Variants in CEP128 observed in about 807,000 individuals in gnomAD.
CEP128 encodes centrosomal protein 128kDa.
CEP128 carries 132 observed loss-of-function variants against 156.7 expected under a neutral mutation model. That is an observed-to-expected ratio of 0.84 (90% CI 0.73 to 0.97). CEP128 has a LOEUF of 0.97. CEP128 is among the 50% of genes least tolerant of loss of function. The pLI, the probability that CEP128 is intolerant of heterozygous loss-of-function variation, is 0.00. For synonymous variants in CEP128, 469 were observed against 448.9 expected, an observed-to-expected ratio of 1.04 and a Z score of -0.57; for missense variants, 1,252 against 1,281.9, an observed-to-expected ratio of 0.98 and a Z score of 0.36.
At chr14:80,531,481 G>C (rs1030631956) in intron 21 of CEP128, among the ~76,000 whole-genome samples, 11 of 152,146 alleles carry the variant, frequency 7.2e-5, no homozygotes, top group Admixed American at 6.5e-4. Context: ...GCTGATCACT[G>C]TTACACCCAC....
chr14:80,947,692 C>G (rs1043010735), intron 2 of CEP128, among the ~76,000 whole-genome samples: 1 of 152,032 alleles, frequency 6.6e-6, no homozygotes, highest in Non-Finnish European at 1.5e-5. Context: ...AGATTCCCCC[C>G]AAAAGAAAAG....
At chr14:80,613,469 A>ATT (rs368473582) in intron 19 of CEP128, among the ~76,000 whole-genome samples, 13,418 of 139,672 alleles carry the variant, frequency 0.096, 855 homozygotes, top group African/African-American at 0.18. Flanking sequence ...TGGCTGGCTA[A>ATT]TTTTTTTTTT....
chr14:80,501,276 G>C (rs1014635652), intron 24 of CEP128, among the ~76,000 whole-genome samples: 1 of 152,146 alleles, frequency 6.6e-6, no homozygotes, highest in Non-Finnish European at 1.5e-5. Flanking sequence ...GAGTAGAAAG[G>C]ATGTGGTAGG....
chr14:80,897,103 A>G (rs1889380807), intron 7 of CEP128, among the ~76,000 whole-genome samples: 2 of 152,240 alleles, frequency 1.3e-5, no homozygotes, highest in African/African-American at 4.8e-5. Flanking sequence ...ATGTTAAAAT[A>G]CATTGCTGTA....
chr14:80,953,521 G>T (rs1886512883), intron 2 of CEP128, among the ~76,000 whole-genome samples: 1 of 152,224 alleles, frequency 6.6e-6, no homozygotes, highest in African/African-American at 2.4e-5. Context: ...GGAGGCGGAG[G>T]TTGCAGTGAG....
intron 18 of CEP128, among the ~76,000 whole-genome samples, chr14:80,755,312 T>C (rs1170151716): frequency 6.6e-6 from 1 of 152,188 alleles, no homozygotes; most frequent in Non-Finnish European, 1.5e-5. Context: ...TAAATACTTA[T>C]AAACTCCCCT....
intron 12 of CEP128, among the ~76,000 whole-genome samples, chr14:80,834,809 A>C (rs1458824593): frequency 2.0e-5 from 3 of 152,234 alleles, no homozygotes; most frequent in East Asian, 1.9e-4. Flanking sequence ...ATTCTGGGTC[A>C]AATGATACTT....
At chr14:80,612,428 A>T (rs61981706) in intron 19 of CEP128, among the ~76,000 whole-genome samples, 17,579 of 152,240 alleles carry the variant, frequency 0.12, 1,342 homozygotes, top group East Asian at 0.31. Context: ...CAACATTCTT[A>T]TATAGAGTCC....
At chr14:80,678,045 A>ATTATATATATAT (rs1555390192) in intron 19 of CEP128, among the ~76,000 whole-genome samples, 1 of 30,690 alleles carries the variant, frequency 3.3e-5, no homozygotes, top group Admixed American at 4.4e-4. Context: ...CTCTATAAAA[A>ATTATATATATAT]AAAAATATAT....
At chr14:80,490,938 A>G (rs899678091) in intron 6 of CEP128, among the ~76,000 whole-genome samples, 1 of 152,152 alleles carries the variant, frequency 6.6e-6, no homozygotes, top group African/African-American at 2.4e-5. Context: ...CGCCATCACC[A>G]AAGTTTCTGA....
chr14:80,729,754 G>A (rs747259898), intron 19 of CEP128, among the ~76,000 whole-genome samples: 16 of 152,058 alleles, frequency 1.1e-4, no homozygotes, highest in Non-Finnish European at 2.2e-4. Flanking sequence ...ACCAAATTTT[G>A]CATGAAGAAT....
intron 8 of CEP128, among the ~76,000 whole-genome samples, chr14:80,872,995 A>G (rs976255925): frequency 2.0e-5 from 3 of 152,216 alleles, no homozygotes; most frequent in Non-Finnish European, 4.4e-5. Context: ...ATTATGAGAC[A>G]ATCTTACTTT....
intron 21 of CEP128, among the ~76,000 whole-genome samples, chr14:80,536,622 A>G (rs1170240509): frequency 6.6e-6 from 1 of 152,208 alleles, no homozygotes; most frequent in Admixed American, 6.5e-5. Flanking sequence ...TGAAATGGAT[A>G]GACTGTATGC....
chr14:80,843,516 A>AT (rs963755610), intron 9 of CEP128, among the ~76,000 whole-genome samples: 1 of 151,886 alleles, frequency 6.6e-6, no homozygotes, highest in Non-Finnish European at 1.5e-5. Flanking sequence ...ATCAAATCAG[A>AT]TTTTTTTTCC....
chr14:80,747,940 T>C (rs776826580), intron 18 of CEP128, among the ~76,000 whole-genome samples: 2 of 152,202 alleles, frequency 1.3e-5, no homozygotes, highest in Non-Finnish European at 2.9e-5. Context: ...TCAAATTAAA[T>C]GTGGTGATGA....
intron 24 of CEP128, among the ~76,000 whole-genome samples, 187 bp from the exon 25 acceptor site, chr14:80,497,769 A>C (rs1887555993): frequency 1.3e-5 from 2 of 152,224 alleles, no homozygotes; most frequent in African/African-American, 4.8e-5. Context: ...ATTTAAAAAA[A>C]ACACGAGAAT....
intron 18 of CEP128, among the ~76,000 whole-genome samples, chr14:80,756,004 C>T (rs1272682159): frequency 1.3e-5 from 2 of 152,190 alleles, no homozygotes; most frequent in African/African-American, 4.8e-5. Context: ...AACTGAACTA[C>T]TGCAGTGAAA....
intron 2 of CEP128, among the ~76,000 whole-genome samples, chr14:80,921,042 G>A (rs1479324031): frequency 6.6e-6 from 1 of 152,048 alleles, no homozygotes; most frequent in African/African-American, 2.4e-5. Context: ...GTTAAACTAT[G>A]GTACATCTAT....
chr14:80,906,400 C>T (rs1408689412), intron 4 of CEP128, among the ~76,000 whole-genome samples: 1 of 152,026 alleles, frequency 6.6e-6, no homozygotes, highest in Non-Finnish European at 1.5e-5. Context: ...ACCACTCATG[C>T]GAAGAAACAT....
Sources: gnomAD v4.1 joint callset for allele counts (sites outside exome capture counted in the v4.1 genomes callset) on GRCh38, gnomAD v4.1.1 for gene constraint, MANE v1.5 for transcripts, NCBI Gene and HGNC (gene_info 2026-07-23, HGNC 2026-07-21) for gene names.